CDC40: variants seen among roughly 807,000 people sequenced by gnomAD.
CDC40 encodes the protein pre-mRNA-processing factor 17.
A neutral mutation model predicts 80.6 loss-of-function variants in CDC40; 27 were observed. The ratio of observed to expected loss-of-function variants is 0.33; its 90% confidence interval spans 0.25 to 0.46. The LOEUF is 0.46. CDC40 is among the 20% of genes least tolerant of loss of function. CDC40 has a pLI of 1.00. For synonymous variants in CDC40, 221 were observed against 232.6 expected, an observed-to-expected ratio of 0.95 and a Z score of 0.45; for missense variants, 486 against 694.1, an observed-to-expected ratio of 0.70 and a Z score of 3.37.
At chr6:110,181,214 G>T (rs1777184886) in intron 1 of CDC40, among the ~76,000 whole-genome samples, 1 of 152,182 alleles carries the variant, frequency 6.6e-6, no homozygotes, top group Non-Finnish European at 1.5e-5. Context: ...TTTTATGATT[G>T]TGTGTGTTAA....
intron 1 of CDC40, among the ~76,000 whole-genome samples, chr6:110,188,881 G>A (rs1777308992): frequency 6.6e-6 from 1 of 152,152 alleles, no homozygotes; most frequent in Admixed American, 6.6e-5. Flanking sequence ...TTTGAATTGT[G>A]ATTTCATCTA....
rs1302769226 is a variant in CDC40 at position 110,219,869 on chromosome 6, G to A, written c.1340G>A (p.Trp447Ter). ...GATAAAAGCCTAAGAGTTTGGGAAT[G>A]GTGAGTTTCCATCAGTAGAAAATCT... The part of the protein sequence containing the change: ...SDDKSLRVWE[W>*]DIPVDFKYIA... The change falls in exon 12 of 15, where the codon TGG (tryptophan) becomes TAG (stop). Residue 447 changes from tryptophan (W) to a stop codon, truncating the protein, a stop_gained and splice_region_variant. Coordinates refer to ENST00000307731, the MANE Select transcript of CDC40 (RefSeq NM_015891.3). LOFTEE classifies it high-confidence loss of function. 1 of 1,612,376 alleles carries A rather than the reference G, an allele frequency of 6.2e-7. No individual in the cohort carries two copies. Among genetic ancestry groups the A allele is most frequent in the African/African-American group, 1.3e-5 (1 of 74,832 alleles).
chr6:110,230,419 T>A lies in CDC40; in HGVS notation c.*288T>A, dbSNP rs1365450254. The A allele has an allele frequency of 3.8e-6, 1 of 260,422 alleles. No individual in the cohort carries two copies. Among genetic ancestry groups the A allele is most frequent in the Non-Finnish European group, 7.2e-6 (1 of 138,328 alleles). 16.1% of individuals were successfully genotyped at this position (260,422 alleles called of 1,614,324 possible). A position where few individuals can be genotyped will look rare whatever the true frequency, so the allele number is the denominator to read the frequency against. On this transcript the variant is annotated 3_prime_UTR_variant, in exon 15 of 15. Coordinates refer to ENST00000307731, the MANE Select transcript of CDC40 (RefSeq NM_015891.3). ...TCATGACATACTGAAAGCATCTCTT[T>A]GGGGTCAAGAAAGAATCCCTAGTGG... is the stretch of plus-strand genomic sequence containing the variant.
chr6:110,231,268 G>A lies in CDC40; in HGVS notation c.*1137G>A, dbSNP rs1052577027. ...TAATCCCAGCACTTTGGGAGGCTGA[G>A]GCAGGTGAATCACCTGAGGTCAGGA... is the stretch of plus-strand genomic sequence containing the variant. On this transcript the variant is annotated 3_prime_UTR_variant, in exon 15 of 15. Coordinates refer to ENST00000307731, the MANE Select transcript of CDC40 (RefSeq NM_015891.3). The A allele has an allele frequency of 6.6e-6, 1 of 152,252 alleles. No homozygotes were observed. The highest frequency in any genetic ancestry group is 2.1e-4 in the South Asian group (1 of 4,832). 9.4% of individuals were successfully genotyped at this position (152,252 alleles called of 1,614,324 possible). A position where few individuals can be genotyped will look rare whatever the true frequency, so the allele number is the denominator to read the frequency against.
intron 3 of CDC40, among the ~76,000 whole-genome samples, chr6:110,204,963 G>A (rs1332985867): frequency 3.3e-5 from 5 of 151,778 alleles, no homozygotes; most frequent in African/African-American, 7.3e-5. Flanking sequence ...CACGATGCCC[G>A]GCCCTATTTC....
At chr6:110,186,983 A>T (rs1044778032) in intron 1 of CDC40, among the ~76,000 whole-genome samples, 18 of 149,214 alleles carry the variant, frequency 1.2e-4, no homozygotes, top group South Asian at 2.1e-4. Flanking sequence ...TCTGGATAAA[A>T]TTTTTTTTTT....
At position 110,213,133 on chromosome 6, in the gene CDC40, G is replaced by C; in HGVS notation, c.915G>C (p.Leu305=). Residue 305 remains leucine (L), a synonymous_variant, in exon 8 of 15, where the codon CTG becomes CTC. Coordinates refer to ENST00000307731, the MANE Select transcript of CDC40 (RefSeq NM_015891.3). ...RLFPLSGHLL[L]SCSMDCKIKL... is the part of the protein sequence containing the mutation. ...TTCCTCTCTCTGGCCATTTATTGCT[G>C]TCTTGTTCCATGGACTGTAAAATTA... is the stretch of plus-strand genomic sequence containing the variant. The C allele has an allele frequency of 6.2e-7, 1 of 1,611,178 alleles. No homozygotes were observed. Among genetic ancestry groups the C allele is most frequent in the Non-Finnish European group, 8.5e-7 (1 of 1,177,320 alleles).
At chr6:110,222,577 A>G (rs1417409436) in intron 12 of CDC40, among the ~76,000 whole-genome samples, 1 of 152,092 alleles carries the variant, frequency 6.6e-6, no homozygotes, top group Admixed American at 6.6e-5. Context: ...AAAACAAACA[A>G]CAACAACAAA....
chr6:110,201,721 G>A (rs1777495622), intron 3 of CDC40, 34 bp downstream of exon 3: 1 of 1,597,942 alleles, frequency 6.3e-7, no homozygotes, highest in East Asian at 2.2e-5. Context: ...TTTCAATTTT[G>A]GCTTTATTAG....
chr6:110,191,411 A>T (rs1777347584), intron 1 of CDC40, among the ~76,000 whole-genome samples: 1 of 152,166 alleles, frequency 6.6e-6, no homozygotes, highest in Non-Finnish European at 1.5e-5. Context: ...AAAGATGGTG[A>T]TATGATAGGG....
intron 1 of CDC40, among the ~76,000 whole-genome samples, chr6:110,186,922 G>A (rs763797905): frequency 6.6e-6 from 1 of 152,070 alleles, no homozygotes; most frequent in Non-Finnish European, 1.5e-5. Flanking sequence ...CTTCTGGAAC[G>A]CCAATTACAC....
intron 3 of CDC40, among the ~76,000 whole-genome samples, chr6:110,204,502 G>A (rs1486247659): frequency 2.0e-5 from 3 of 152,020 alleles, no homozygotes; most frequent in Non-Finnish European, 4.4e-5. Flanking sequence ...AACTTTACAT[G>A]TTCTTATATT....
In CDC40 at chr6:110,228,980, A is replaced by G; in HGVS notation, c.1562+4A>G. The G allele has an allele frequency of 6.3e-7, 1 of 1,597,088 alleles. No homozygotes were observed. Among genetic ancestry groups the G allele is most frequent in the African/African-American group, 1.4e-5 (1 of 74,048 alleles). On this transcript the variant is annotated splice_donor_region_variant and intron_variant, in intron 14 of 14. Transcript: ENST00000307731. ...TGGACTTTTCACCAGACATGAGGTA[A>G]GTTTAAATCTTCTAATCCATTCTCG...
intron 7 of CDC40, 144 bp downstream of exon 7, chr6:110,212,416 G>A (rs1009950693): frequency 2.6e-6 from 2 of 763,308 alleles, no homozygotes; most frequent in African/African-American, 3.5e-5. Context: ...TTATGCTTTG[G>A]AGATGCCCAC....
At chr6:110,215,175 C>T (rs1028692342) in intron 8 of CDC40, 111 bp from the exon 9 acceptor site, 27 of 766,676 alleles carry the variant, frequency 3.5e-5, no homozygotes, top group Non-Finnish European at 4.6e-5. Context: ...TGAAGCTGTG[C>T]GTTTACACAC....
chr6:110,213,374 G>GTTTTTGT (rs978417143), intron 8 of CDC40, among the ~76,000 whole-genome samples: 3 of 149,494 alleles, frequency 2.0e-5, no homozygotes, highest in Middle Eastern at 3.5e-3. Context: ...TTTTGTTGTT[G>GTTTTTGT]TTTTTGTTTT....
chr6:110,191,504 A>AAT (rs749070780), intron 1 of CDC40, among the ~76,000 whole-genome samples: 1 of 152,158 alleles, frequency 6.6e-6, no homozygotes, highest in Non-Finnish European at 1.5e-5. Flanking sequence ...AGAGAGAGAT[A>AAT]ATATATATAT....
intron 1 of CDC40, among the ~76,000 whole-genome samples, chr6:110,185,738 T>C (rs1777260538): frequency 6.6e-6 from 1 of 152,160 alleles, no homozygotes. Flanking sequence ...TTTCCGTATT[T>C]GAAAATTGTG....
At chr6:110,229,574 A>G (rs1211216140) in intron 14 of CDC40, among the ~76,000 whole-genome samples, 2 of 152,154 alleles carry the variant, frequency 1.3e-5, no homozygotes, top group African/African-American at 4.8e-5. Context: ...TAAAGCCAAA[A>G]AGTAATTATG....
Sources: gnomAD v4.1 joint callset for allele counts (sites outside exome capture counted in the v4.1 genomes callset) on GRCh38, gnomAD v4.1.1 for gene constraint, MANE v1.5 for transcripts, NCBI Gene and HGNC (gene_info 2026-07-23, HGNC 2026-07-21) for gene names.